The following FOCAD variants were observed in gnomAD, a reference collection of about 807,000 sequenced individuals.
FOCAD encodes the protein KIAA1797.
Under a neutral mutation model 225.6 loss-of-function variants are expected in FOCAD, and 198 were observed. The ratio of observed to expected loss-of-function variants is 0.88; its 90% CI spans 0.78 to 0.99. The LOEUF (loss-of-function observed/expected upper bound fraction) is 0.99. FOCAD is among the 50% of genes least tolerant of loss of function. FOCAD has a pLI of 0.00. For synonymous variants in FOCAD, 897 were observed against 755.0 expected (o/e 1.19, Z -3.08); for missense variants, 2,713 against 2,123.6 (o/e 1.28, Z -5.46).
chr9:20,688,169 T>C (rs540341034), intron 1 of FOCAD, among the ~76,000 whole-genome samples: 26 of 152,226 alleles, frequency 1.7e-4, no homozygotes, highest in Non-Finnish European at 2.5e-4. Flanking sequence ...CCATGAGTAA[T>C]AGATTTTAAG....
intron 2 of FOCAD, among the ~76,000 whole-genome samples, chr9:20,665,380 C>T (rs898179040): frequency 3.3e-5 from 5 of 152,050 alleles, no homozygotes; most frequent in African/African-American, 9.7e-5. Flanking sequence ...CAATAAAGCC[C>T]AACTCTTTAT....
chr9:20,895,578 T>G (rs1219188601), intron 21 of FOCAD, among the ~76,000 whole-genome samples: 1 of 151,812 alleles, frequency 6.6e-6, no homozygotes, highest in Non-Finnish European at 1.5e-5. Context: ...TGTATATATA[T>G]AGATATATTT....
intron 11 of FOCAD, among the ~76,000 whole-genome samples, chr9:20,811,037 A>C (rs1823009920): frequency 6.6e-6 from 1 of 152,096 alleles, no homozygotes; most frequent in Non-Finnish European, 1.5e-5. Context: ...TATATTTTGG[A>C]GTAACTTTAT....
chr9:20,698,107 A>C (rs1395488774), intron 1 of FOCAD, among the ~76,000 whole-genome samples: 2 of 152,230 alleles, frequency 1.3e-5, no homozygotes, highest in African/African-American at 4.8e-5. Flanking sequence ...AAATAAGATC[A>C]CTTTTTTTAA....
At chr9:20,750,196 C>T (rs567587511) in intron 5 of FOCAD, among the ~76,000 whole-genome samples, 3 of 152,224 alleles carry the variant, frequency 2.0e-5, no homozygotes, top group South Asian at 4.1e-4. Flanking sequence ...CAACATGAAT[C>T]AACCAGTTTA....
At chr9:20,704,395 A>G (rs75456530) in intron 1 of FOCAD, among the ~76,000 whole-genome samples, 3,568 of 152,316 alleles carry the variant, frequency 0.023, 148 homozygotes, top group African/African-American at 0.081. Flanking sequence ...ACATGAATTT[A>G]GTAATTTAGT....
Position 20,789,412 on chromosome 9 carries a change from G to C in FOCAD, c.1259G>C (p.Arg420Thr). The change falls in exon 11 of 44, where the codon AGG becomes ACG. Residue 420 changes from arginine to threonine, a missense_variant. Coordinates refer to ENST00000338382, the MANE Select transcript of FOCAD (RefSeq NM_001375567.1). The part of the protein sequence containing the change: ...SMYGTIFTAW[R>T]ILEVMTDSSA... The stretch of plus-strand genomic sequence containing the variant: ...TATGGTACAATATTTACAGCCTGGA[G>C]GATTCTTGAAGTAATGACAGACTCG... The C allele has an allele frequency of 6.2e-7, 1 of 1,614,018 alleles. No individual in the cohort carries two copies. The highest frequency in any genetic ancestry group is 1.7e-5 in the Admixed American group (1 of 59,984).
At chr9:20,668,092 A>T (rs1255791042) in intron 2 of FOCAD, among the ~76,000 whole-genome samples, 1 of 152,260 alleles carries the variant, frequency 6.6e-6, no homozygotes, top group Non-Finnish European at 1.5e-5. Context: ...ATACATTTCC[A>T]CATTTCATAC....
chr9:20,658,113 C>A (rs569784883), upstream of FOCAD, among the ~76,000 whole-genome samples: 844 of 150,600 alleles, frequency 5.6e-3, 6 homozygotes, highest in African/African-American at 0.018. Flanking sequence ...CAGGGACCCA[C>A]TTGAGGAGGC....
chr9:20,994,369 C>A (rs958239366), intron 43 of FOCAD, among the ~76,000 whole-genome samples: 1 of 152,164 alleles, frequency 6.6e-6, no homozygotes, highest in Non-Finnish European at 1.5e-5. Flanking sequence ...TCCTTCATGT[C>A]TGGTGATCTG....
At chr9:20,701,020 A>G (rs1439504114) in intron 1 of FOCAD, among the ~76,000 whole-genome samples, 3 of 152,188 alleles carry the variant, frequency 2.0e-5, no homozygotes, top group Non-Finnish European at 4.4e-5. Context: ...CAGCTGCTAT[A>G]TAGATGGAAA....
At position 20,965,966 on chromosome 9, in the gene FOCAD, A is replaced by C. The variant is rs528088097; in HGVS notation, c.4133-10454A>C. Among the ~76,000 whole-genome samples the C allele has an allele frequency of 1.4e-4, 21 of 152,196 alleles. No homozygotes were observed. The East Asian group carries it at 4.0e-3, about 29-fold the overall frequency. On this transcript the variant is annotated intron_variant, in intron 35 of 43. Coordinates refer to ENST00000338382, the MANE Select transcript of FOCAD (RefSeq NM_001375567.1). ...TTTGGGTTGTTTCTACCTTTTGGCTATTGCAAGTGATGCTGTTATGAATAT... is the reference window on the plus strand; with the variant it reads ...TTTGGGTTGTTTCTACCTTTTGGCTCTTGCAAGTGATGCTGTTATGAATAT...
At chr9:20,883,593 T>C (rs1347389213) in intron 20 of FOCAD, among the ~76,000 whole-genome samples, 6 of 152,154 alleles carry the variant, frequency 3.9e-5, no homozygotes, top group Non-Finnish European at 8.8e-5. Context: ...ATAACAAAAA[T>C]GATTACCATG....
At chr9:20,918,314 C>T (rs1587605108) in intron 24 of FOCAD, among the ~76,000 whole-genome samples, 1 of 152,326 alleles carries the variant, frequency 6.6e-6, no homozygotes, top group East Asian at 1.9e-4. Context: ...AATTTTACTC[C>T]AGTGTGACTG....
intron 18 of FOCAD, among the ~76,000 whole-genome samples, chr9:20,869,312 G>C (rs971695471): frequency 5.9e-5 from 9 of 152,126 alleles, no homozygotes; most frequent in Non-Finnish European, 1.0e-4. Flanking sequence ...ATAAACTTTT[G>C]AGCCCATTGT....
intron 15 of FOCAD, among the ~76,000 whole-genome samples, chr9:20,824,090 A>C (rs1000357668): frequency 2.0e-5 from 3 of 152,122 alleles, no homozygotes; most frequent in Non-Finnish European, 2.9e-5. Flanking sequence ...GGTAAGGACA[A>C]TGCTTTCACA....
At chr9:20,793,927 G>A (rs1437950010) in intron 11 of FOCAD, among the ~76,000 whole-genome samples, 2 of 152,076 alleles carry the variant, frequency 1.3e-5, no homozygotes, top group South Asian at 2.1e-4. Context: ...AGTGGGGATC[G>A]GTCCTCTCCA....
At chr9:20,799,141 A>G (rs1821486957) in intron 11 of FOCAD, among the ~76,000 whole-genome samples, 2 of 152,082 alleles carry the variant, frequency 1.3e-5, no homozygotes, top group South Asian at 4.1e-4. Context: ...TTCAGTTTCC[A>G]TGTAGTTGAG....
intron 20 of FOCAD, among the ~76,000 whole-genome samples, chr9:20,883,331 TC>T (rs2131850175): frequency 6.6e-6 from 1 of 152,318 alleles, no homozygotes; most frequent in South Asian, 2.1e-4. Flanking sequence ...AATATCTTTT[TC>T]AGTAGCTGGC....
Sources: gnomAD v4.1 joint callset for allele counts (sites outside exome capture counted in the v4.1 genomes callset) on GRCh38, gnomAD v4.1.1 for gene constraint, MANE v1.5 for transcripts, NCBI Gene and HGNC (gene_info 2026-07-23, HGNC 2026-07-21) for gene names.